Variants in SCP2 observed in about 807,000 individuals in gnomAD.
SCP2 encodes the protein sterol carrier protein 2, also known as SCP-2/3-oxoacyl-CoA thiolase.
In SCP2, 48 loss-of-function variants were observed where a neutral mutation model predicts 71.4. The ratio of observed to expected loss-of-function variants is 0.67; its 90% CI spans 0.53 to 0.86. The LOEUF is 0.86. Among genes scored for constraint, SCP2 ranks in the 40% least tolerant of loss-of-function variants. The pLI is 0.00. For missense variants in SCP2, 560 were observed against 655.6 expected (o/e 0.85, Z 1.59); for synonymous variants, 220 against 218.1 (o/e 1.01, Z -0.08).
At chr1:52,992,297 T>C (rs4926941) in intron 11 of SCP2, among the ~76,000 whole-genome samples, 47,505 of 151,322 alleles carry the variant, frequency 0.31, 12,534 homozygotes, top group African/African-American at 0.72. Flanking sequence ...TATAAAAATA[T>C]TTGTTAACTA....
At chr1:53,041,453 A>G (rs1489073513) in intron 14 of SCP2, among the ~76,000 whole-genome samples, 1 of 152,144 alleles carries the variant, frequency 6.6e-6, no homozygotes, top group Non-Finnish European at 1.5e-5. Flanking sequence ...CGTTTTGTAT[A>G]TAACTAGTAT....
intron 10 of SCP2, 57 bp from the exon 11 acceptor site, chr1:52,987,972 T>A: frequency 1.1e-6 from 1 of 905,134 alleles, no homozygotes; most frequent in Non-Finnish European, 1.9e-6. Context: ...TATAAAAGCA[T>A]ATCATTTGTT....
At chr1:52,938,560 T>A (rs563846470) in intron 1 of SCP2, among the ~76,000 whole-genome samples, 27 of 152,318 alleles carry the variant, frequency 1.8e-4, no homozygotes, top group African/African-American at 6.5e-4. Flanking sequence ...TTTCATCATT[T>A]CTTCACATTG....
intron 5 of SCP2, among the ~76,000 whole-genome samples, chr1:52,960,526 G>GTATATATGTA (rs1557561978): frequency 7.4e-6 from 1 of 136,012 alleles, no homozygotes; most frequent in African/African-American, 2.8e-5. Context: ...GTGTATATGT[G>GTATATATGTA]TGTATATATA....
At chr1:52,932,494 T>C (rs1653251907) in intron 1 of SCP2, among the ~76,000 whole-genome samples, 1 of 152,134 alleles carries the variant, frequency 6.6e-6, no homozygotes, top group African/African-American at 2.4e-5. Flanking sequence ...TCCACCAAAA[T>C]GGCGGCGTAA....
At chr1:52,951,875 C>T (rs1007877785) in intron 4 of SCP2, among the ~76,000 whole-genome samples, 1 of 151,964 alleles carries the variant, frequency 6.6e-6, no homozygotes. Flanking sequence ...TACCACCATG[C>T]CTGGCTAATT....
intron 14 of SCP2, among the ~76,000 whole-genome samples, chr1:53,042,856 T>C (rs1184215060): frequency 6.6e-6 from 1 of 152,200 alleles, no homozygotes; most frequent in African/African-American, 2.4e-5. Context: ...GATTTTTAGA[T>C]TTTGTGCATT....
intron 11 of SCP2, among the ~76,000 whole-genome samples, chr1:52,998,566 A>C (rs1182328099): frequency 1.3e-5 from 2 of 152,054 alleles, no homozygotes; most frequent in Non-Finnish European, 2.9e-5. Flanking sequence ...CCCCATCTCT[A>C]CAAAAAATAC....
intron 11 of SCP2, chr1:52,993,547 G>A (rs990276891): frequency 1.5e-5 from 24 of 1,612,124 alleles, no homozygotes; most frequent in Non-Finnish European, 1.9e-5. Flanking sequence ...CCAACAGGAA[G>A]CCCTCGCCAG....
At chr1:52,957,495 A>G (rs1474036723) in intron 5 of SCP2, among the ~76,000 whole-genome samples, 1 of 152,234 alleles carries the variant, frequency 6.6e-6, no homozygotes, top group African/African-American at 2.4e-5. Flanking sequence ...AAACAAAACA[A>G]AAAACCACAC....
chr1:52,984,037 C>T (rs928101594), intron 10 of SCP2, among the ~76,000 whole-genome samples: 3 of 152,164 alleles, frequency 2.0e-5, no homozygotes, highest in African/African-American at 7.2e-5. Context: ...TGTATGCCTA[C>T]GTCAGAGTAA....
chr1:53,003,549 G>C (rs529887297), intron 11 of SCP2, among the ~76,000 whole-genome samples: 2 of 152,186 alleles, frequency 1.3e-5, no homozygotes, highest in East Asian at 3.9e-4. Context: ...GTCTTCCTCT[G>C]TTGCCCAGGC....
intron 1 of SCP2, among the ~76,000 whole-genome samples, chr1:52,938,297 C>A (rs1029988995): frequency 1.3e-5 from 2 of 152,162 alleles, no homozygotes; most frequent in Non-Finnish European, 2.9e-5. Context: ...TGTATATATG[C>A]GTGTACTGGG....
At chr1:53,036,019 C>CAAAAAAAAA (rs35164089) in intron 13 of SCP2, among the ~76,000 whole-genome samples, 9 of 63,276 alleles carry the variant, frequency 1.4e-4, no homozygotes, top group African/African-American at 2.6e-4. Flanking sequence ...GACTCCGTCT[C>CAAAAAAAAA]AAAAAAAAAA....
chr1:52,969,769 T>C (rs141877812), intron 6 of SCP2, among the ~76,000 whole-genome samples: 5,518 of 152,142 alleles, frequency 0.036, 410 homozygotes, highest in Admixed American at 0.18. Context: ...TGCAGTGAGC[T>C]GAGATTGCAC....
intron 12 of SCP2, among the ~76,000 whole-genome samples, chr1:53,018,182 T>C (rs548226027): frequency 3.2e-4 from 49 of 152,306 alleles, no homozygotes; most frequent in African/African-American, 1.1e-3. Context: ...TAGAACCTGT[T>C]AGGTAGTTAC....
At position 53,024,357 on chromosome 1, in the gene SCP2, T is replaced by C. The variant is rs894727442; in HGVS notation, c.1236-3612T>C. 4.6e-5 allele frequency among the ~76,000 whole-genome samples: 7 copies of C among 152,022 alleles called. 1 individual carries two copies. Among genetic ancestry groups the C allele is most frequent in the Admixed American group, 4.6e-4 (7 of 15,252 alleles). The stretch of plus-strand genomic sequence containing the variant: ...TGGGTAGAGTTTCAGTTTTGCAAGA[T>C]GAAAAGAGTTATGGAGATGAAAGGT... On this transcript the variant is annotated intron_variant, in intron 12 of 15. Coordinates refer to ENST00000371514, the MANE Select transcript of SCP2 (RefSeq NM_002979.5).
intron 1 of SCP2, among the ~76,000 whole-genome samples, chr1:52,933,258 T>C (rs996780363): frequency 1.3e-5 from 2 of 152,078 alleles, no homozygotes; most frequent in African/African-American, 4.8e-5. Flanking sequence ...GTTGAGAAAA[T>C]TTGAGCTTTA....
intron 6 of SCP2, among the ~76,000 whole-genome samples, chr1:52,969,030 C>T (rs1283146614): frequency 6.6e-6 from 1 of 151,720 alleles, no homozygotes; most frequent in Non-Finnish European, 1.5e-5. Flanking sequence ...ATCCTTGTTG[C>T]TCTTCTTCTT....
Sources: gnomAD v4.1 joint callset for allele counts (sites outside exome capture counted in the v4.1 genomes callset) on GRCh38, gnomAD v4.1.1 for gene constraint, MANE v1.5 for transcripts, NCBI Gene and HGNC (gene_info 2026-07-23, HGNC 2026-07-21) for gene names.